The following ZNF569 variants were observed in gnomAD, a reference collection of about 807,000 sequenced individuals.
ZNF569 encodes the protein zinc finger protein 569.
In ZNF569, 38 loss-of-function variants were observed where a neutral mutation model predicts 56.3. The observed-to-expected ratio is 0.68, with a 90% confidence interval of 0.52 to 0.88. The LOEUF (loss-of-function observed/expected upper bound fraction) is 0.88, where lower values mean the gene tolerates loss of function less well. Among genes scored for constraint, ZNF569 ranks in the 40% least tolerant of loss-of-function variants. The pLI is 0.00. For synonymous variants in ZNF569, 241 were observed against 262.9 expected (o/e 0.92, Z 0.81); for missense variants, 666 against 809.2 (o/e 0.82, Z 2.15).
intron 2 of ZNF569, among the ~76,000 whole-genome samples, chr19:37,458,815 A>C (rs745464049): frequency 1.3e-5 from 2 of 152,244 alleles, no homozygotes; most frequent in Non-Finnish European, 2.9e-5. Context: ...TACTGTAAGC[A>C]GGGAAATGCG....
chr19:37,464,618 G>C (rs1480503348), intron 2 of ZNF569, among the ~76,000 whole-genome samples: 1 of 152,150 alleles, frequency 6.6e-6, no homozygotes, highest in Non-Finnish European at 1.5e-5. Context: ...TGTAGCCTGG[G>C]AACAATAGGC....
Position 37,412,612 on chromosome 19 carries a change from TC to T in ZNF569, c.2045del (p.Arg682LysfsTer29), listed in dbSNP as rs2040855984. On this transcript the variant is annotated frameshift_variant, in exon 6 of 6. Coordinates refer to ENST00000316950, the MANE Select transcript of ZNF569 (RefSeq NM_152484.3). LOFTEE classifies it high-confidence loss of function. ...SQKSHLVRHQ[R>X]IHTH ...CATAGGGTTTCTAATGAGTATGAAT[TC>T]TCTGGTGTCTAACAAGGTGCGACTT... 6.2e-7 allele frequency: 1 copy of T among 1,600,492 alleles called. No homozygotes were observed. The highest frequency in any genetic ancestry group is 8.5e-7 in the Non-Finnish European group (1 of 1,174,680).
intron 2 of ZNF569, chr19:37,455,037 A>G (rs2041651208): frequency 3.7e-6 from 2 of 547,218 alleles, no homozygotes; most frequent in African/African-American, 3.9e-5. Context: ...CCTTGTTGTA[A>G]TGATTGAAGC....
At chr19:37,425,308 C>T (rs1251527653) in intron 5 of ZNF569, among the ~76,000 whole-genome samples, 3 of 149,548 alleles carry the variant, frequency 2.0e-5, no homozygotes, top group African/African-American at 2.5e-5. Context: ...TATGCCACCA[C>T]ACGTGGCTAA....
chr19:37,426,076 G>C, intron 4 of ZNF569, 113 bp from the exon 5 acceptor site: 4 of 1,340,096 alleles, frequency 3.0e-6, no homozygotes, highest in Non-Finnish European at 4.2e-6. Flanking sequence ...ATGTGGCTTC[G>C]GGGGTTCTGT....
chr19:37,438,572 C>A (rs192481068), intron 3 of ZNF569, among the ~76,000 whole-genome samples: 1 of 152,208 alleles, frequency 6.6e-6, no homozygotes, highest in Admixed American at 6.5e-5. Context: ...AAACCAGACC[C>A]CTATCTCTTG....
chr19:37,416,332 T>G lies in ZNF569; in HGVS notation c.239-1913A>C, dbSNP rs78279314. Among the ~76,000 whole-genome samples, 1,048 of 151,074 alleles carry G rather than the reference T, an allele frequency of 6.9e-3. 14 individuals are homozygous for G. The highest frequency in any genetic ancestry group is 0.024 in the African/African-American group (978 of 41,326). ...TTTGTCAGAAACAAAACTGTTTACCTGAAAAATCAAGTCATCTGAACAATT... is the reference window on the plus strand; with the variant it reads ...TTTGTCAGAAACAAAACTGTTTACCGGAAAAATCAAGTCATCTGAACAATT... On this transcript the variant is annotated intron_variant, in intron 5 of 5. Coordinates refer to ENST00000316950, the MANE Select transcript of ZNF569 (RefSeq NM_152484.3).
intron 3 of ZNF569, chr19:37,431,579 C>T (rs1459363758): frequency 6.6e-6 from 1 of 152,548 alleles, no homozygotes; most frequent in Non-Finnish European, 1.5e-5. Context: ...GGGTGAGACT[C>T]AGAGACATGC....
At chr19:37,424,085 C>T (rs144202999) in intron 5 of ZNF569, among the ~76,000 whole-genome samples, 10 of 151,892 alleles carry the variant, frequency 6.6e-5, no homozygotes, top group Non-Finnish European at 1.5e-4. Context: ...ATGGGAGCTA[C>T]CAAAAAATCA....
At chr19:37,414,638 C>G (rs1476602612) in intron 5 of ZNF569, among the ~76,000 whole-genome samples, 1 of 151,722 alleles carries the variant, frequency 6.6e-6, no homozygotes, top group Non-Finnish European at 1.5e-5. Context: ...TTTATAAATA[C>G]AAATAGCTTT....
At chr19:37,451,423 C>A (rs2041592065) in intron 2 of ZNF569, among the ~76,000 whole-genome samples, 1 of 146,216 alleles carries the variant, frequency 6.8e-6, no homozygotes, top group Non-Finnish European at 1.5e-5. Flanking sequence ...AAAAAAAGTT[C>A]TGTATATGTC....
intron 5 of ZNF569, among the ~76,000 whole-genome samples, chr19:37,417,576 C>T (rs1210088371): frequency 3.3e-5 from 5 of 152,028 alleles, no homozygotes; most frequent in African/African-American, 1.2e-4. Context: ...AGTTACCCAG[C>T]TTGTGGTACT....
intron 5 of ZNF569, among the ~76,000 whole-genome samples, chr19:37,415,268 TA>T (rs1421836717): frequency 6.6e-6 from 1 of 152,064 alleles, no homozygotes; most frequent in East Asian, 1.9e-4. Context: ...TATATTACTA[TA>T]AATAAATTAA....
chr19:37,457,801 T>G (rs771629584), intron 2 of ZNF569, among the ~76,000 whole-genome samples: 1 of 152,020 alleles, frequency 6.6e-6, no homozygotes, highest in Non-Finnish European at 1.5e-5. Context: ...CAAACCTGCA[T>G]GTTGTGCACA....
Position 37,411,843 on chromosome 19 carries a change from T to C in ZNF569, c.*754A>G, listed in dbSNP as rs1038909729. The C allele has an allele frequency of 3.9e-5, 6 of 152,192 alleles. No individual in the cohort carries two copies. The highest frequency in any genetic ancestry group is 2.6e-4 in the Admixed American group (4 of 15,284). The allele number at this position is 152,192 out of a possible 1,614,324, so 9.4% of individuals were successfully genotyped here. A position where few individuals can be genotyped will look rare whatever the true frequency, so the allele number is the denominator to read the frequency against. On this transcript the variant is annotated 3_prime_UTR_variant, in exon 6 of 6. Transcript: ENST00000316950. Reference sequence around the variant, plus strand: ...CTTGGATTTTTGTATGAATGCTCACTATCTTACTACTGCTTGATTTATTCA... The same window carrying C: ...CTTGGATTTTTGTATGAATGCTCACCATCTTACTACTGCTTGATTTATTCA...
At chr19:37,441,787 A>G (rs2041411244) in intron 3 of ZNF569, among the ~76,000 whole-genome samples, 1 of 152,218 alleles carries the variant, frequency 6.6e-6, no homozygotes, top group African/African-American at 2.4e-5. Context: ...GCCAGTTGAT[A>G]AAGAGAGGTC....
At chr19:37,442,625 A>G (rs2146934899) in intron 3 of ZNF569, among the ~76,000 whole-genome samples, 1 of 152,318 alleles carries the variant, frequency 6.6e-6, no homozygotes, top group Middle Eastern at 3.4e-3. Flanking sequence ...TCAGGAGTGG[A>G]TACAGGGAGA....
chr19:37,422,496 A>T (rs73027382), intron 5 of ZNF569, among the ~76,000 whole-genome samples: 3,429 of 152,324 alleles, frequency 0.023, 47 homozygotes, highest in Middle Eastern at 0.041. Flanking sequence ...TATTGCAAGA[A>T]TGTGACACAG....
upstream of ZNF569, chr19:37,467,689 G>A: frequency 1.6e-6 from 1 of 619,616 alleles, no homozygotes; most frequent in Non-Finnish European, 2.9e-6. Flanking sequence ...GGTCCTGACA[G>A]CGGCTAGAAG....
Sources: allele counts gnomAD v4.1 joint callset (sites outside exome capture counted in the v4.1 genomes callset), GRCh38; gene constraint gnomAD v4.1.1; transcripts MANE v1.5; gene names NCBI Gene and HGNC (gene_info 2026-07-23, HGNC 2026-07-21).